Variants in PPIP5K2 observed in about 807,000 individuals in gnomAD.
PPIP5K2 encodes inositol hexakisphosphate and diphosphoinositol-pentakisphosphate kinase 2.
A neutral mutation model predicts 154.6 loss-of-function variants in PPIP5K2; 105 were observed. The ratio of observed to expected loss-of-function variants is 0.68; its 90% confidence interval spans 0.58 to 0.80. PPIP5K2 has a LOEUF of 0.80. Ranked by LOEUF, PPIP5K2 falls within the 30% of genes least tolerant of loss-of-function variation. The probability of loss-of-function intolerance (pLI) is 0.00; values close to 1 mark genes in which losing one functional copy is unlikely to be tolerated. For synonymous variants in PPIP5K2, 480 were observed against 490.3 expected, an observed-to-expected ratio of 0.98 and a Z score of 0.28; for missense variants, 992 against 1,504.6, an observed-to-expected ratio of 0.66 and a Z score of 5.64.
In PPIP5K2 at chr5:103,149,225, G is replaced by A; in HGVS notation, c.818G>A (p.Arg273Gln). 2 of 1,613,938 alleles carry A rather than the reference G, an allele frequency of 1.2e-6. No homozygotes were observed. The highest frequency in any genetic ancestry group is 1.1e-5 in the South Asian group (1 of 91,072). ...KSPALDGKVE[R>Q]DSEGKEVRYP... ...CCAGCACTTGATGGCAAGGTGGAACGAGACAGTGAAGGAAAAGAAGTAAGA... is the reference window on the plus strand; with the variant it reads ...CCAGCACTTGATGGCAAGGTGGAACAAGACAGTGAAGGAAAAGAAGTAAGA... The change falls in exon 8 of 31, where the codon CGA becomes CAA. Residue 273 changes from arginine to glutamine, a missense_variant. Coordinates refer to ENST00000358359, the MANE Select transcript of PPIP5K2 (RefSeq NM_001276277.3).
intron 5 of PPIP5K2, among the ~76,000 whole-genome samples, chr5:103,145,836 T>G (rs1351605991): frequency 1.3e-5 from 2 of 152,084 alleles, no homozygotes; most frequent in Non-Finnish European, 2.9e-5. Flanking sequence ...GACTATAGTT[T>G]ACAATAATTT....
chr5:103,155,120 A>G (rs973582592), intron 13 of PPIP5K2, among the ~76,000 whole-genome samples, 177 bp downstream of exon 13: 3 of 152,094 alleles, frequency 2.0e-5, no homozygotes, highest in Non-Finnish European at 4.4e-5. Flanking sequence ...TGAAGGTTTT[A>G]GCTTTAGTTT....
intron 30 of PPIP5K2, among the ~76,000 whole-genome samples, chr5:103,198,881 T>C (rs1554229391): frequency 6.6e-6 from 1 of 152,134 alleles, no homozygotes. Context: ...CTCTACCTCA[T>C]TTTGTACTAA....
At chr5:103,185,212 G>A (rs1042308298) in intron 26 of PPIP5K2, among the ~76,000 whole-genome samples, 3 of 152,134 alleles carry the variant, frequency 2.0e-5, no homozygotes, top group Non-Finnish European at 4.4e-5. Flanking sequence ...CTAATGCACA[G>A]TGGCAGTCTC....
At chr5:103,127,560 T>G (rs1361218432) in intron 1 of PPIP5K2, among the ~76,000 whole-genome samples, 1 of 152,216 alleles carries the variant, frequency 6.6e-6, no homozygotes, top group Non-Finnish European at 1.5e-5. Flanking sequence ...TTCTTTTAGA[T>G]TTACATGTTA....
At chr5:103,155,636 G>C (rs1235430321) in intron 13 of PPIP5K2, among the ~76,000 whole-genome samples, 1 of 151,336 alleles carries the variant, frequency 6.6e-6, no homozygotes, top group Non-Finnish European at 1.5e-5. Context: ...ATGTTGGCCA[G>C]GCTGGTCTCG....
rs557412112 is a variant in PPIP5K2 at position 103,162,889 on chromosome 5, T to C, written c.1920+3561T>C. Among the ~76,000 whole-genome samples, 11 of 152,222 alleles carry C rather than the reference T, an allele frequency of 7.2e-5. No homozygotes were observed. The East Asian group carries it at 1.7e-3, about 24-fold the overall frequency. On this transcript the variant is annotated intron_variant, in intron 17 of 30. Coordinates refer to ENST00000358359, the MANE Select transcript of PPIP5K2 (RefSeq NM_001276277.3). ...GTGCTATGAGCTAAGAATGTCAAGG[T>C]TGTTATTTCCCCTGCAACTATATAT... is the stretch of plus-strand genomic sequence containing the variant.
At chr5:103,123,246 C>T (rs1278920109) in intron 1 of PPIP5K2, among the ~76,000 whole-genome samples, 1 of 152,150 alleles carries the variant, frequency 6.6e-6, no homozygotes, top group African/African-American at 2.4e-5. Flanking sequence ...GATTCATAAT[C>T]CCATTTTACA....
intron 28 of PPIP5K2, among the ~76,000 whole-genome samples, chr5:103,187,670 G>T (rs2149786519): frequency 6.6e-6 from 1 of 152,086 alleles, no homozygotes; most frequent in South Asian, 2.1e-4. Flanking sequence ...CAGATGATCA[G>T]TCTACACAAA....
chr5:103,163,656 T>C (rs1191893983), intron 17 of PPIP5K2, among the ~76,000 whole-genome samples: 1 of 151,992 alleles, frequency 6.6e-6, no homozygotes, highest in East Asian at 1.9e-4. Context: ...ATATTTTATA[T>C]AGCTGCCCTT....
At chr5:103,133,709 T>C in intron 3 of PPIP5K2, 61 bp downstream of exon 3, 9 of 1,333,062 alleles carry the variant, frequency 6.8e-6, no homozygotes, top group Non-Finnish European at 8.0e-6. Context: ...CTAATACATA[T>C]TAATTGTAGA....
intron 2 of PPIP5K2, 37 bp downstream of exon 2, chr5:103,129,740 A>C: frequency 6.4e-7 from 1 of 1,557,118 alleles, no homozygotes; most frequent in African/African-American, 1.4e-5. Context: ...AGAGAAGACC[A>C]ATACAGTATA....
rs1554231859 is a variant in PPIP5K2, at chr5:103,205,024, G to C, written c.*3390G>C. 1 of 151,308 alleles carries C rather than the reference G, an allele frequency of 6.6e-6. No homozygotes were observed. The highest frequency in any genetic ancestry group is 1.5e-5 in the Non-Finnish European group (1 of 67,894). The allele number at this position is 151,308 out of a possible 1,614,324, so 9.4% of individuals were successfully genotyped here. A position where few individuals can be genotyped will look rare whatever the true frequency, so the allele number is the denominator to read the frequency against. ...TCCCCCAGCCCCCCACCCACTGACAGGCCCAGTGTGTGATGTTCCCCGCCC... is the reference window on the plus strand; with the variant it reads ...TCCCCCAGCCCCCCACCCACTGACACGCCCAGTGTGTGATGTTCCCCGCCC... On this transcript the variant is annotated 3_prime_UTR_variant, in exon 31 of 31. Transcript: ENST00000358359.
rs1554225497 is a variant in PPIP5K2 at position 103,187,359 on chromosome 5, C to T, written c.3335C>T (p.Ala1112Val). 2.0e-6 allele frequency: 3 copies of T among 1,534,648 alleles called. No individual in the cohort carries two copies. Among genetic ancestry groups the T allele is most frequent in the East Asian group, 2.4e-5 (1 of 40,874 alleles). Residue 1112 changes from alanine to valine, a missense_variant, in exon 28 of 31, where the codon GCT becomes GTT. By Grantham distance (64) the Ala-to-Val change is moderately conservative. Coordinates refer to ENST00000358359, the MANE Select transcript of PPIP5K2 (RefSeq NM_001276277.3). ...SAVKRFSISF[A>V]RHPTNGFELY... is the part of the protein sequence containing the mutation. Reference sequence around the variant, plus strand: ...GTTAAAAGGTTTTCTATCTCATTTGCTCGACACCCAACCAATGGTACGTTT... The same window carrying T: ...GTTAAAAGGTTTTCTATCTCATTTGTTCGACACCCAACCAATGGTACGTTT...
chr5:103,189,706 G>C (rs1800928088), intron 28 of PPIP5K2, among the ~76,000 whole-genome samples: 1 of 151,988 alleles, frequency 6.6e-6, no homozygotes, highest in Non-Finnish European at 1.5e-5. Context: ...TATTTTCCTA[G>C]GAAGATTAGA....
chr5:103,184,725 G>A lies in PPIP5K2; in HGVS notation c.3150G>A (p.Gln1050=). The change falls in exon 26 of 31, where the codon CAG becomes CAA. Residue 1050 remains glutamine, a synonymous_variant. Transcript: ENST00000358359. ...GAACACCAAGAACTCTTGTGGAACA[G>A]AAGCAGAATCCTACTGTAGGTATGT... The part of the protein sequence containing the change: ...YLRTPRTLVE[Q]KQNPTVGSHC... The A allele has an allele frequency of 6.2e-7, 1 of 1,612,422 alleles. No homozygotes were observed. Among genetic ancestry groups the A allele is most frequent in the Non-Finnish European group, 8.5e-7 (1 of 1,178,688 alleles).
At chr5:103,129,144 G>T in intron 1 of PPIP5K2, among the ~76,000 whole-genome samples, 162 bp from the exon 2 acceptor site, 1 of 151,740 alleles carries the variant, frequency 6.6e-6, no homozygotes. Context: ...TAATTTTTTT[G>T]CTTTTATTAT....
At chr5:103,190,171 G>A (rs775868332) in intron 28 of PPIP5K2, among the ~76,000 whole-genome samples, 161 of 151,820 alleles carry the variant, frequency 1.1e-3, no homozygotes, top group Middle Eastern at 6.8e-3. Flanking sequence ...TAAAATTTTC[G>A]TATTTCTGTG....
chr5:103,183,628 A>C (rs1438142858), intron 25 of PPIP5K2, among the ~76,000 whole-genome samples: 2 of 152,188 alleles, frequency 1.3e-5, no homozygotes, highest in Non-Finnish European at 2.9e-5. Flanking sequence ...AGAAGTTTCC[A>C]AATATCCAGG....
Sources: allele counts gnomAD v4.1 joint callset (sites outside exome capture counted in the v4.1 genomes callset), GRCh38; gene constraint gnomAD v4.1.1; transcripts MANE v1.5; gene names NCBI Gene and HGNC (gene_info 2026-07-23, HGNC 2026-07-21).